The following ABCC9 variants were observed in gnomAD, a reference collection of about 807,000 sequenced individuals.
ABCC9 encodes the protein ATP binding cassette subfamily C member 9, also known as ATP-binding cassette sub-family C member 9.
In ABCC9, 95 loss-of-function variants were observed where a neutral mutation model predicts 188.3. The ratio of observed to expected loss-of-function variants is 0.50; its 90% CI spans 0.43 to 0.60. The LOEUF is 0.60. ABCC9 is among the 20% of genes least tolerant of loss of function. The probability of loss-of-function intolerance (pLI) is 0.00; values close to 1 mark genes in which losing one functional copy is unlikely to be tolerated. For missense variants in ABCC9, 1,102 were observed against 1,876.3 expected, an observed-to-expected ratio of 0.59 and a Z score of 7.62; for synonymous variants, 659 against 652.7, an observed-to-expected ratio of 1.01 and a Z score of -0.15.
intron 4 of ABCC9, 119 bp downstream of exon 4, chr12:21,933,663 G>A (rs1485909089): frequency 6.0e-6 from 7 of 1,161,198 alleles, no homozygotes; most frequent in Non-Finnish European, 7.6e-6. Context: ...GAGCTACATG[G>A]ATCAGAGAGC....
At chr12:21,804,915 A>C (rs1941730301) in intron 39 of ABCC9, among the ~76,000 whole-genome samples, 1 of 152,244 alleles carries the variant, frequency 6.6e-6, no homozygotes, top group Admixed American at 6.5e-5. Context: ...GGTCCTTAGA[A>C]TAAGAGGTAA....
intron 39 of ABCC9, among the ~76,000 whole-genome samples, chr12:21,803,278 A>G (rs1941593133): frequency 6.6e-6 from 1 of 152,142 alleles, no homozygotes; most frequent in Admixed American, 6.5e-5. Flanking sequence ...TGTCTAAAAA[A>G]AGAATTTGGC....
intron 31 of ABCC9, among the ~76,000 whole-genome samples, chr12:21,821,649 T>C (rs990039616): frequency 6.6e-6 from 1 of 152,190 alleles, no homozygotes; most frequent in Non-Finnish European, 1.5e-5. Context: ...CTATTGAGTT[T>C]AGTTTACTAT....
intron 18 of ABCC9, chr12:21,869,432 C>G (rs1276736594): frequency 6.6e-6 from 1 of 152,218 alleles, no homozygotes; most frequent in Non-Finnish European, 1.5e-5. Context: ...CTTCACACCA[C>G]AAGTCCGAAT....
At chr12:21,889,949 G>C (rs1300248682) in intron 14 of ABCC9, among the ~76,000 whole-genome samples, 1 of 152,014 alleles carries the variant, frequency 6.6e-6, no homozygotes, top group East Asian at 1.9e-4. Context: ...CTGATGTTTT[G>C]TCATTGTTGT....
At chr12:21,819,877 G>A (rs1333329442) in intron 31 of ABCC9, among the ~76,000 whole-genome samples, 2 of 152,092 alleles carry the variant, frequency 1.3e-5, no homozygotes, top group African/African-American at 2.4e-5. Context: ...TTCCACAGAG[G>A]TAGTAAATAC....
At chr12:21,907,957 C>G (rs1344289858) in intron 11 of ABCC9, 120 bp downstream of exon 11, 13 of 1,167,826 alleles carry the variant, frequency 1.1e-5, no homozygotes, top group African/African-American at 1.6e-5. Context: ...TGCTGAAGAA[C>G]TGAAGTGAAA....
Position 21,828,954 on chromosome 12 carries a change from G to A in ABCC9, c.3669+4C>T, listed in dbSNP as rs189565793. 38 of 1,611,008 alleles carry A rather than the reference G, an allele frequency of 2.4e-5. No individual in the cohort carries two copies. In the Middle Eastern group the frequency reaches 4.9e-4, roughly 21 times the overall value. On this transcript the variant is annotated splice_donor_region_variant and intron_variant, in intron 31 of 39. Coordinates refer to ENST00000261200, the MANE Select transcript of ABCC9 (RefSeq NM_020297.4). ...TCCATTTCGAAATCATGAAATGAAC[G>A]TACCGTCCTGACCTCCAGCCATCTG...
rs767798962 is a variant in ABCC9, at chr12:21,801,021, A to G, written c.*23T>C. On this transcript the variant is annotated 3_prime_UTR_variant, in exon 40 of 40. Transcript: ENST00000261200. ...GTTATGACTGCATTATTTTAAATAC[A>G]TGTATTGTTTTAAGACACTCCTTCA... 65 of 1,613,206 alleles carry G rather than the reference A, an allele frequency of 4.0e-5. 1 individual carries two copies. The highest frequency in any genetic ancestry group is 2.2e-5 in the East Asian group (1 of 44,864).
At chr12:21,836,457 G>A (rs1944100393) in intron 30 of ABCC9, among the ~76,000 whole-genome samples, 2 of 152,002 alleles carry the variant, frequency 1.3e-5, no homozygotes, top group South Asian at 4.2e-4. Context: ...TCACACATCT[G>A]TTATATCTTC....
At chr12:21,933,239 G>T (rs1326729680) in intron 4 of ABCC9, among the ~76,000 whole-genome samples, 1 of 151,896 alleles carries the variant, frequency 6.6e-6, no homozygotes, top group Admixed American at 6.6e-5. Flanking sequence ...TGGAGGGTAG[G>T]AGGAGGGAGA....
rs574174375 is a variant in ABCC9 at position 21,934,150 on chromosome 12, A to G, written c.143-227T>C. ...CTAACACATTAACATTTGTGGCATTACTCAGGAATAATACCAACTCTGGAT... is the reference window on the plus strand; with the variant it reads ...CTAACACATTAACATTTGTGGCATTGCTCAGGAATAATACCAACTCTGGAT... On this transcript the variant is annotated intron_variant, in intron 3 of 39. Coordinates refer to ENST00000261200, the MANE Select transcript of ABCC9 (RefSeq NM_020297.4). Among the ~76,000 whole-genome samples, 3 of 152,192 alleles carry G rather than the reference A, an allele frequency of 2.0e-5. No homozygotes were observed. In the East Asian group the frequency reaches 5.8e-4, roughly 29 times the overall value.
At chr12:21,817,028 A>G (rs919881217) in intron 33 of ABCC9, among the ~76,000 whole-genome samples, 159 bp downstream of exon 33, 1 of 152,170 alleles carries the variant, frequency 6.6e-6, no homozygotes, top group Non-Finnish European at 1.5e-5. Flanking sequence ...AAATAGTCAC[A>G]TCTTTTCCGG....
At chr12:21,866,257 A>G (rs542489512) in intron 18 of ABCC9, among the ~76,000 whole-genome samples, 129 of 152,284 alleles carry the variant, frequency 8.5e-4, no homozygotes, top group Admixed American at 1.6e-3. Context: ...AACTTTTCCT[A>G]AAAGTAAAAG....
chr12:21,917,356 T>G (rs1948641548), intron 5 of ABCC9, among the ~76,000 whole-genome samples: 1 of 152,180 alleles, frequency 6.6e-6, no homozygotes, highest in African/African-American at 2.4e-5. Context: ...TGTAAAGAGA[T>G]ATATAATAGG....
chr12:21,876,317 C>A (rs1297827569), intron 16 of ABCC9, among the ~76,000 whole-genome samples: 1 of 151,628 alleles, frequency 6.6e-6, no homozygotes, highest in African/African-American at 2.4e-5. Flanking sequence ...CCAATGAAAT[C>A]TCTACATTAA....
intron 12 of ABCC9, among the ~76,000 whole-genome samples, chr12:21,898,225 T>C (rs1947520322): frequency 6.6e-6 from 1 of 152,148 alleles, no homozygotes; most frequent in South Asian, 2.1e-4. Context: ...AATGAGATGG[T>C]ATATGAAAAA....
chr12:21,939,066 A>G (rs570792594), intron 2 of ABCC9, among the ~76,000 whole-genome samples: 1 of 152,224 alleles, frequency 6.6e-6, no homozygotes, highest in African/African-American at 2.4e-5. Flanking sequence ...TAGTCTCAGT[A>G]GCTGTGGGTA....
chr12:21,872,634 T>C lies in ABCC9; in HGVS notation c.2189A>G (p.His730Arg). 6.2e-7 allele frequency: 1 copy of C among 1,612,908 alleles called. No homozygotes were observed. The highest frequency in any genetic ancestry group is 1.1e-5 in the South Asian group (1 of 91,058). The change falls in exon 18 of 40, where the codon CAC becomes CGC. Residue 730 changes from histidine (H) to arginine (R), a missense_variant. His to Arg is a conservative substitution (Grantham distance 29). Around this residue, in one of 12 missense-constraint regions of ABCC9, gnomAD observed 258 missense variants for 325.6 expected, o/e 0.79. Coordinates refer to ENST00000261200, the MANE Select transcript of ABCC9 (RefSeq NM_020297.4). ...CTAAAAATATACATACTTGCTCCAG[T>C]GAACTTTTCCTTCCAATGTCTGCAT... ...GEMQTLEGKVHWSNVNESEPS... is the reference protein window; with the variant it reads ...GEMQTLEGKVRWSNVNESEPS...
Sources: gnomAD v4.1 joint callset for allele counts (sites outside exome capture counted in the v4.1 genomes callset) on GRCh38, gnomAD v4.1.1 for gene constraint, gnomAD v4.1.1 regional missense constraint, MANE v1.5 for transcripts, NCBI Gene and HGNC (gene_info 2026-07-23, HGNC 2026-07-21) for gene names.